The following IMMP2L variants were observed in gnomAD, a reference collection of about 807,000 sequenced individuals.
IMMP2L encodes mitochondrial inner membrane protease subunit 2.
IMMP2L carries 18 observed loss-of-function variants against 19.3 expected under a neutral mutation model. The ratio of observed to expected loss-of-function variants is 0.93; its 90% CI spans 0.64 to 1.38. The LOEUF (loss-of-function observed/expected upper bound fraction) is 1.38. Among genes scored for constraint, IMMP2L ranks in the 40% most tolerant of loss-of-function variants. The pLI is 0.00. For missense variants in IMMP2L, 233 were observed against 218.2 expected (o/e 1.07, Z -0.43); for synonymous variants, 76 against 73.0 (o/e 1.04, Z -0.21).
At chr7:111,053,439 G>A (rs1210349640) in intron 3 of IMMP2L, among the ~76,000 whole-genome samples, 2 of 152,182 alleles carry the variant, frequency 1.3e-5, no homozygotes, top group Non-Finnish European at 2.9e-5. Flanking sequence ...CCAACATTTT[G>A]CCTCTTAATG....
At chr7:110,935,077 G>A (rs259016) in intron 4 of IMMP2L, among the ~76,000 whole-genome samples, 47,358 of 151,972 alleles carry the variant, frequency 0.31, 8,437 homozygotes, top group East Asian at 0.63. Context: ...AGTTGATGCA[G>A]TTCCTTCATA....
chr7:110,829,328 G>A (rs1465875963), intron 5 of IMMP2L, among the ~76,000 whole-genome samples: 1 of 152,160 alleles, frequency 6.6e-6, no homozygotes. Context: ...GCTTGGGGGA[G>A]TGGGATATAA....
intron 3 of IMMP2L, among the ~76,000 whole-genome samples, chr7:111,308,372 T>A (rs1029315684): frequency 4.6e-5 from 7 of 151,938 alleles, no homozygotes; most frequent in African/African-American, 1.7e-4. Flanking sequence ...TGGGTCTTAT[T>A]GGTGATGTAG....
At chr7:111,076,155 G>A (rs530901682) in intron 3 of IMMP2L, among the ~76,000 whole-genome samples, 78 of 152,226 alleles carry the variant, frequency 5.1e-4, no homozygotes, top group South Asian at 1.9e-3. Flanking sequence ...CTGTATGTGT[G>A]CTAGCTCTTT....
At chr7:111,522,070 C>T (rs1254425114) in intron 1 of IMMP2L, among the ~76,000 whole-genome samples, 1 of 152,064 alleles carries the variant, frequency 6.6e-6, no homozygotes, top group Non-Finnish European at 1.5e-5. Context: ...GACAAAGCAA[C>T]AAAATGGAAC....
At chr7:111,347,057 G>A (rs141038095) in intron 3 of IMMP2L, among the ~76,000 whole-genome samples, 257 of 152,198 alleles carry the variant, frequency 1.7e-3, no homozygotes, top group African/African-American at 5.1e-3. Flanking sequence ...AAAAAAAGAA[G>A]AGAGGTGGGA....
At chr7:110,677,802 G>A (rs1308348873) in intron 5 of IMMP2L, among the ~76,000 whole-genome samples, 2 of 152,084 alleles carry the variant, frequency 1.3e-5, no homozygotes, top group Admixed American at 6.6e-5. Flanking sequence ...GGAAAAAAAT[G>A]GATAGATAGG....
intron 3 of IMMP2L, among the ~76,000 whole-genome samples, chr7:111,462,865 G>A (rs1840264408): frequency 6.6e-6 from 1 of 152,130 alleles, no homozygotes; most frequent in South Asian, 2.1e-4. Flanking sequence ...TGGCTCTGTG[G>A]CTATATATAC....
At chr7:111,285,557 T>C (rs1042619581) in intron 3 of IMMP2L, among the ~76,000 whole-genome samples, 4 of 152,126 alleles carry the variant, frequency 2.6e-5, no homozygotes, top group Admixed American at 2.6e-4. Flanking sequence ...TTCAGAATCA[T>C]ACAAGAATTA....
intron 5 of IMMP2L, among the ~76,000 whole-genome samples, chr7:110,848,189 AC>A (rs145609307): frequency 0.042 from 6,386 of 152,296 alleles, 206 homozygotes; most frequent in Non-Finnish European, 0.063. Context: ...TCTAGAATAT[AC>A]AAAAACTAAT....
At chr7:110,821,218 T>C (rs559593020) in intron 5 of IMMP2L, among the ~76,000 whole-genome samples, 1 of 152,220 alleles carries the variant, frequency 6.6e-6, no homozygotes, top group Non-Finnish European at 1.5e-5. Flanking sequence ...TTAAATAACT[T>C]GCCCAAAATC....
At chr7:111,431,376 T>C (rs1420286714) in intron 3 of IMMP2L, among the ~76,000 whole-genome samples, 3 of 151,872 alleles carry the variant, frequency 2.0e-5, no homozygotes, top group Non-Finnish European at 1.5e-5. Flanking sequence ...TCAGTTTGCT[T>C]GGTCTCAGTT....
intron 3 of IMMP2L, among the ~76,000 whole-genome samples, chr7:111,454,109 A>T (rs936887682): frequency 1.3e-5 from 2 of 152,074 alleles, no homozygotes; most frequent in Admixed American, 1.3e-4. Context: ...CATATAAAAA[A>T]CTTTGGACTT....
chr7:111,514,845 G>A (rs1184870667), intron 2 of IMMP2L, among the ~76,000 whole-genome samples: 4 of 151,644 alleles, frequency 2.6e-5, no homozygotes, highest in Non-Finnish European at 5.9e-5. Context: ...CATACTATGA[G>A]GATAAGGGTT....
At chr7:111,497,976 C>A (rs556274047) in intron 2 of IMMP2L, among the ~76,000 whole-genome samples, 1 of 151,710 alleles carries the variant, frequency 6.6e-6, no homozygotes, top group Admixed American at 6.6e-5. Flanking sequence ...TCTATGTTTT[C>A]TAAGTTTTTT....
chr7:110,720,152 A>C (rs1033368252), intron 5 of IMMP2L, among the ~76,000 whole-genome samples: 35 of 152,142 alleles, frequency 2.3e-4, no homozygotes, highest in African/African-American at 8.4e-4. Flanking sequence ...GAATCACTGT[A>C]AGGGGCCATT....
At chr7:110,843,111 TAAC>T (rs142395516) in intron 5 of IMMP2L, among the ~76,000 whole-genome samples, 23,729 of 151,962 alleles carry the variant, frequency 0.16, 2,143 homozygotes, top group Middle Eastern at 0.25. Context: ...TTATGAGGAG[TAAC>T]AACGACGACA....
intron 3 of IMMP2L, among the ~76,000 whole-genome samples, chr7:111,443,880 A>T (rs111232261): frequency 6.6e-6 from 1 of 152,098 alleles, no homozygotes; most frequent in African/African-American, 2.4e-5. Flanking sequence ...ATCTATTAGA[A>T]GGAAGGAAAA....
intron 3 of IMMP2L, among the ~76,000 whole-genome samples, chr7:111,006,736 G>A (rs76761535): frequency 3.9e-5 from 6 of 151,950 alleles, no homozygotes; most frequent in Admixed American, 2.6e-4. Context: ...CACCTTTTGC[G>A]TCTACTTTTC....
Sources: gnomAD v4.1 joint callset for allele counts (sites outside exome capture counted in the v4.1 genomes callset) on GRCh38, gnomAD v4.1.1 for gene constraint, MANE v1.5 for transcripts, NCBI Gene and HGNC (gene_info 2026-07-23, HGNC 2026-07-21) for gene names.